SYNPO2: variants seen among roughly 807,000 people sequenced by gnomAD.
The protein encoded by SYNPO2 is synaptopodin 2.
In SYNPO2, 56 loss-of-function variants were observed where a neutral mutation model predicts 85.0. That is an observed-to-expected ratio of 0.66 (90% confidence interval 0.53 to 0.82). The LOEUF (loss-of-function observed/expected upper bound fraction) is 0.82, where lower values mean the gene tolerates loss of function less well. Ranked by LOEUF, SYNPO2 falls within the 40% of genes least tolerant of loss-of-function variation. The probability of loss-of-function intolerance (pLI) is 0.00; values close to 1 mark genes in which losing one functional copy is unlikely to be tolerated. For synonymous variants in SYNPO2, 602 were observed against 591.1 expected, an observed-to-expected ratio of 1.02 and a Z score of -0.27; for missense variants, 1,575 against 1,534.2, an observed-to-expected ratio of 1.03 and a Z score of -0.44.
chr4:119,034,503 G>A (rs970674804), intron 4 of SYNPO2: 1 of 985,428 alleles, frequency 1.0e-6, no homozygotes, highest in African/African-American at 1.7e-5. Flanking sequence ...GTCATCCTAG[G>A]ACTATTTGGA....
chr4:119,052,754 C>T lies in SYNPO2; in HGVS notation c.3253-4647C>T, dbSNP rs28669724. On this transcript the variant is annotated intron_variant, in intron 4 of 4. Coordinates refer to ENST00000307142, the MANE Select transcript of SYNPO2 (RefSeq NM_133477.3). The stretch of plus-strand genomic sequence containing the variant: ...TTGTTATTTCAGGGGATGGCATCAT[C>T]TATTTCAAAATAAAACTGGTTTGAG... 7.3e-3 allele frequency among the ~76,000 whole-genome samples: 1,106 copies of T among 152,284 alleles called. 11 individuals carry two copies. The highest frequency in any genetic ancestry group is 0.025 in the African/African-American group (1,059 of 41,560).
chr4:118,863,812 A>T (rs979158611), intron 1 of SYNPO2, among the ~76,000 whole-genome samples: 2 of 152,084 alleles, frequency 1.3e-5, no homozygotes, highest in African/African-American at 4.8e-5. Context: ...GGGTTTTTCC[A>T]TGTTGACCAG....
In SYNPO2 at chr4:119,031,305, C is replaced by T; in HGVS notation, c.2530C>T (p.Pro844Ser). 6.2e-7 allele frequency: 1 copy of T among 1,614,228 alleles called. No homozygotes were observed. The highest frequency in any genetic ancestry group is 8.5e-7 in the Non-Finnish European group (1 of 1,180,040). The change falls in exon 4 of 5, where the codon CCA (proline) becomes TCA (serine). Residue 844 changes from proline to serine, a missense_variant. Physicochemically the swap from Pro to Ser is moderately conservative, Grantham distance 74. Transcript: ENST00000307142. ...AGCCAGTCAGAATTACACACCCAAA[C>T]CAACAGTTTCCACACCAACAGTCAA... ...AVASQNYTPK[P>S]TVSTPTVNAV...
At position 118,940,859 on chromosome 4, in the gene SYNPO2, G is replaced by A. The variant is rs76927344; in HGVS notation, c.105+51718G>A. ...TCTCCTGTCACCCCCATCTCGCTCTGCTTTGAGGACTCCTCTTGTTCCTGT... is the reference window on the plus strand; with the variant it reads ...TCTCCTGTCACCCCCATCTCGCTCTACTTTGAGGACTCCTCTTGTTCCTGT... On this transcript the variant is annotated intron_variant, in intron 1 of 4. Coordinates refer to ENST00000307142, the MANE Select transcript of SYNPO2 (RefSeq NM_133477.3). Among the ~76,000 whole-genome samples the A allele has an allele frequency of 6.3e-3, 952 of 151,868 alleles. 5 individuals carry two copies. The highest frequency in any genetic ancestry group is 0.021 in the African/African-American group (889 of 41,430).
intron 1 of SYNPO2, among the ~76,000 whole-genome samples, chr4:118,922,380 A>G (rs1467230382): frequency 6.6e-6 from 1 of 152,144 alleles, no homozygotes; most frequent in Non-Finnish European, 1.5e-5. Context: ...AATATATATT[A>G]TAAAAATATA....
intron 1 of SYNPO2, among the ~76,000 whole-genome samples, chr4:118,934,904 T>A (rs1373351309): frequency 2.0e-5 from 3 of 152,186 alleles, no homozygotes; most frequent in Non-Finnish European, 4.4e-5. Flanking sequence ...TGTCCTTTAT[T>A]CATCGGTGTT....
chr4:118,890,867 T>G (rs1201827322), intron 1 of SYNPO2, among the ~76,000 whole-genome samples: 1 of 152,090 alleles, frequency 6.6e-6, no homozygotes, highest in East Asian at 1.9e-4. Context: ...ATCCTGATAG[T>G]GTACAGTTTT....
chr4:119,026,851 G>T lies in SYNPO2; in HGVS notation c.482G>T (p.Gly161Val), dbSNP rs754218388. 2 of 1,614,012 alleles carry T rather than the reference G, an allele frequency of 1.2e-6. No individual in the cohort carries two copies. The highest frequency in any genetic ancestry group is 1.3e-5 in the African/African-American group (1 of 74,994). Residue 161 changes from glycine to valine, a missense_variant, in exon 3 of 5, where the codon GGC (glycine) becomes GTC (valine). By Grantham distance (109) the Gly-to-Val change is moderately radical. Transcript: ENST00000307142. Reference protein sequence around the residue: ...DCAGSLKEETGPSYQRAPQMP... With the variant: ...DCAGSLKEETVPSYQRAPQMP... The stretch of plus-strand genomic sequence containing the variant: ...GCAGGCAGCTTGAAAGAAGAAACAG[G>T]CCCGAGCTACCAAAGGGCTCCCCAA...
intron 1 of SYNPO2, among the ~76,000 whole-genome samples, chr4:118,875,486 T>C (rs1731888129): frequency 6.6e-6 from 1 of 152,188 alleles, no homozygotes; most frequent in Admixed American, 6.5e-5. Flanking sequence ...CACTGTAACA[T>C]GGCTGCAGGT....
At chr4:118,952,538 T>C (rs940275973) in intron 1 of SYNPO2, among the ~76,000 whole-genome samples, 1 of 152,198 alleles carries the variant, frequency 6.6e-6, no homozygotes, top group South Asian at 2.1e-4. Context: ...GTATTTTGAA[T>C]TAACTCTAAT....
At chr4:118,956,537 G>A (rs1050892241) in intron 1 of SYNPO2, among the ~76,000 whole-genome samples, 3 of 152,156 alleles carry the variant, frequency 2.0e-5, no homozygotes, top group African/African-American at 7.2e-5. Flanking sequence ...TTCCTATTGG[G>A]TAAATCAATT....
intron 1 of SYNPO2, among the ~76,000 whole-genome samples, chr4:118,893,440 AG>A (rs1039043144): frequency 2.0e-5 from 3 of 152,180 alleles, no homozygotes; most frequent in Non-Finnish European, 4.4e-5. Flanking sequence ...AAACCTAAAC[AG>A]TAGGTATGAA....
Position 119,008,890 on chromosome 4 carries a change from C to T in SYNPO2, c.106-14540C>T, listed in dbSNP as rs115466961. On this transcript the variant is annotated intron_variant, in intron 1 of 4. Transcript: ENST00000307142. ...CAACTAATTTAATTAATGTGGAGAT[C>T]GTTTTTTCTATAAAGCAAGCACTTA... Among the ~76,000 whole-genome samples, 1,497 of 151,978 alleles carry T rather than the reference C, an allele frequency of 9.9e-3. 13 individuals carry two copies. The highest frequency in any genetic ancestry group is 0.015 in the Non-Finnish European group (1,000 of 67,950).
intron 1 of SYNPO2, among the ~76,000 whole-genome samples, chr4:118,873,671 T>G (rs1000011219): frequency 3.9e-5 from 6 of 152,222 alleles, no homozygotes; most frequent in African/African-American, 1.2e-4. Context: ...CTTTATTTAT[T>G]TTACTGTGCA....
chr4:119,054,015 A>G (rs1029379724), intron 4 of SYNPO2, among the ~76,000 whole-genome samples: 1 of 152,154 alleles, frequency 6.6e-6, no homozygotes, highest in African/African-American at 2.4e-5. Context: ...TCAAGGTGCT[A>G]CATCTAATTG....
At chr4:118,987,773 C>G (rs1736273316) in intron 1 of SYNPO2, among the ~76,000 whole-genome samples, 1 of 152,028 alleles carries the variant, frequency 6.6e-6, no homozygotes, top group Admixed American at 6.6e-5. Flanking sequence ...AGTGTTATTA[C>G]TCTGCTCCAT....
intron 1 of SYNPO2, among the ~76,000 whole-genome samples, chr4:118,941,876 C>T (rs1218215974): frequency 6.6e-6 from 1 of 152,146 alleles, no homozygotes; most frequent in Admixed American, 6.5e-5. Flanking sequence ...CTGTGTTTTC[C>T]GTAGGAAAGG....
intron 1 of SYNPO2, among the ~76,000 whole-genome samples, chr4:118,997,701 T>C (rs1736672359): frequency 1.3e-5 from 2 of 152,224 alleles, no homozygotes; most frequent in South Asian, 4.1e-4. Flanking sequence ...AGCAAATCTT[T>C]AGTCTGGCTG....
At chr4:119,005,143 G>A (rs562148323) in intron 1 of SYNPO2, among the ~76,000 whole-genome samples, 4 of 152,264 alleles carry the variant, frequency 2.6e-5, no homozygotes, top group Admixed American at 2.0e-4. Context: ...TGTCAGATGA[G>A]TAGATTGCGA....
Sources: gnomAD v4.1 joint callset for allele counts (sites outside exome capture counted in the v4.1 genomes callset) on GRCh38, gnomAD v4.1.1 for gene constraint, MANE v1.5 for transcripts, NCBI Gene and HGNC (gene_info 2026-07-23, HGNC 2026-07-21) for gene names.